RARRES2: variants seen among roughly 807,000 people sequenced by gnomAD.
RARRES2 encodes retinoic acid receptor responder 2.
In RARRES2, 12 loss-of-function variants were observed where a neutral mutation model predicts 17.9. The observed-to-expected ratio is 0.67, with a 90% CI of 0.43 to 1.08. RARRES2 has a LOEUF of 1.08. RARRES2 is among the 50% of genes least tolerant of loss of function. The pLI is 0.00. For missense variants in RARRES2, 220 were observed against 210.1 expected, an observed-to-expected ratio of 1.05 and a Z score of -0.29; for synonymous variants, 82 against 86.8, an observed-to-expected ratio of 0.94 and a Z score of 0.31.
chr7:150,340,455 A>G lies in RARRES2; in HGVS notation c.155T>C (p.Val52Ala). Residue 52 changes from valine to alanine, a missense_variant, in exon 2 of 6, where the codon GTG becomes GCG. Transcript: ENST00000223271. ...PVQWAFQETS[V>A]ESAVDTPFPA... is the part of the protein sequence containing the mutation. Reference sequence around the variant, plus strand: ...ACTCACCGTGTCCACGGCGCTCTCCACACTGGTCTCCTGGAAGGCCCACTG... The same window carrying G: ...ACTCACCGTGTCCACGGCGCTCTCCGCACTGGTCTCCTGGAAGGCCCACTG... 1 of 1,608,530 alleles carries G rather than the reference A, an allele frequency of 6.2e-7. No homozygotes were observed. The highest frequency in any genetic ancestry group is 8.5e-7 in the Non-Finnish European group (1 of 1,176,974).
chr7:150,338,527 C>T (rs1798391571), intron 5 of RARRES2, 88 bp from the exon 6 acceptor site: 8 of 1,517,010 alleles, frequency 5.3e-6, no homozygotes, highest in South Asian at 3.8e-5. Flanking sequence ...GACCTGTCCC[C>T]TCCCAGGCTC....
intron 2 of RARRES2, 31 bp from the exon 3 acceptor site, chr7:150,340,235 C>G: frequency 6.2e-7 from 1 of 1,608,216 alleles, no homozygotes; most frequent in Non-Finnish European, 8.5e-7. Context: ...AGAGGATGGC[C>G]GGTAGCCAGC....
intron 4 of RARRES2, 121 bp downstream of exon 4, chr7:150,338,865 C>G: frequency 6.5e-7 from 1 of 1,548,780 alleles, no homozygotes; most frequent in Non-Finnish European, 8.8e-7. Context: ...ACAGCGCTTT[C>G]TAGCCCCCAC....
rs905405602 is a variant in RARRES2, at chr7:150,338,635, G to A, written c.482C>T (p.Pro161Leu). The change falls in exon 5 of 6, where the codon CCC (proline) becomes CTC (leucine). Residue 161 changes from proline (P) to leucine (L), a missense_variant. By Grantham distance (98) the Pro-to-Leu change is moderately conservative. Transcript: ENST00000223271. ...PGQFAFSKAL[P>L]RS is the part of the protein sequence containing the mutation. Reference sequence around the variant, plus strand: ...CCTACCAGTGCTGGCTTAGCTGCGGGGCAGGGCCTTGGAGAAGGCGAACTG... The same window carrying A: ...CCTACCAGTGCTGGCTTAGCTGCGGAGCAGGGCCTTGGAGAAGGCGAACTG... The A allele has an allele frequency of 2.6e-6, 4 of 1,554,784 alleles. No individual in the cohort carries two copies. Among genetic ancestry groups the A allele is most frequent in the Middle Eastern group, 1.7e-4 (1 of 5,984 alleles).
Position 150,338,682 on chromosome 7 carries a change from G to A in RARRES2, c.435C>T (p.Pro145=). ...CLRVQRAGED[P]HSFYFPGQFA... ...ACTGTCCAGGGAAGTAGAAGCTGTG[G>A]GGGTCCTCACCAGCCCGCTGCACCC... Residue 145 remains proline, a synonymous_variant, in exon 5 of 6, where the codon CCC becomes CCT. Transcript: ENST00000223271. 3 of 1,555,674 alleles carry A rather than the reference G, an allele frequency of 1.9e-6. No individual in the cohort carries two copies. Among genetic ancestry groups the A allele is most frequent in the Non-Finnish European group, 2.6e-6 (3 of 1,149,164 alleles).
chr7:150,339,737 C>T (rs1353349204), intron 3 of RARRES2, among the ~76,000 whole-genome samples: 1 of 152,044 alleles, frequency 6.6e-6, no homozygotes, highest in Non-Finnish European at 1.5e-5. Flanking sequence ...TGGAGTCCTG[C>T]TAGGCTAGGG....
chr7:150,340,303 A>G (rs1229318893), intron 2 of RARRES2, 99 bp from the exon 3 acceptor site: 1 of 1,552,000 alleles, frequency 6.4e-7, no homozygotes, highest in African/African-American at 1.4e-5. Context: ...GTCACATTCC[A>G]GCAGGCTGGA....
intron 3 of RARRES2, 123 bp downstream of exon 3, chr7:150,339,977 G>A: frequency 1.1e-6 from 1 of 883,452 alleles, no homozygotes; most frequent in Non-Finnish European, 1.8e-6. Flanking sequence ...TCTAACCTCA[G>A]GGCTTCTTAA....
chr7:150,340,668 GCCC>G, intron 1 of RARRES2, 39 bp from the exon 2 acceptor site: 2 of 1,428,982 alleles, frequency 1.4e-6, no homozygotes, highest in Non-Finnish European at 1.8e-6. Flanking sequence ...CTCCGAGCCA[GCCC>G]GAGCCGCCTC....
rs1057061277 is a variant in RARRES2, at chr7:150,338,894, G to A, written c.375+92C>T. 7 of 1,542,678 alleles carry A rather than the reference G, an allele frequency of 4.5e-6. No homozygotes were observed. The African/African-American group carries it at 6.8e-5, about 15-fold the overall frequency. ...CCCCCACTGCCCTCCCTCCTGCTTG[G>A]CCAAGCTTTAGCCTCGAGACCAGCC... On this transcript the variant is annotated intron_variant, in intron 4 of 5. Transcript: ENST00000223271.
chr7:150,340,820 C>G, intron 1 of RARRES2, 191 bp from the exon 2 acceptor site: 2 of 528,024 alleles, frequency 3.8e-6, no homozygotes, highest in Admixed American at 7.1e-5. Context: ...CTCTCCGTTC[C>G]CTCCCACCCT....
intron 1 of RARRES2, chr7:150,340,876 C>T (rs866308601): frequency 3.8e-5 from 16 of 417,356 alleles, no homozygotes; most frequent in South Asian, 1.5e-4. Context: ...AAGTTCCCTG[C>T]CCACGCTAGG....
chr7:150,341,026 C>A (rs549785003), intron 1 of RARRES2: 177 of 162,078 alleles, frequency 1.1e-3, no homozygotes, highest in Non-Finnish European at 1.8e-3. Flanking sequence ...TCTCCCCAAC[C>A]GCTACTCCCT....
intron 4 of RARRES2, 52 bp from the exon 5 acceptor site, chr7:150,338,793 G>A (rs1165559473): frequency 1.9e-6 from 3 of 1,565,450 alleles, no homozygotes; most frequent in Non-Finnish European, 2.6e-6. Context: ...GGCAGTGCCA[G>A]TGGAGGGCTG....
Position 150,339,076 on chromosome 7 carries a change from T to C in RARRES2, c.285A>G (p.Lys95=), listed in dbSNP as rs1259824465. The C allele has an allele frequency of 6.2e-7, 1 of 1,608,636 alleles. No homozygotes were observed. The highest frequency in any genetic ancestry group is 1.1e-5 in the South Asian group (1 of 90,968). The part of the protein sequence containing the change: ...PECKVRPNGR[K]RKCLACIKLG... ...GTTTGATGCAGGCCAGGCATTTCCG[T>C]TTCCTCTGTGGGGGAGCGGGGAGCA... Residue 95 remains lysine (K), a synonymous_variant, in exon 4 of 6, where the codon AAA becomes AAG. Coordinates refer to ENST00000223271, the MANE Select transcript of RARRES2 (RefSeq NM_002889.4).
In RARRES2 at chr7:150,338,473, G is replaced by A. The variant is rs1249613057; in HGVS notation, c.*11-34C>T. The A allele has an allele frequency of 2.0e-6, 3 of 1,526,304 alleles. No homozygotes were observed. In the East Asian group the frequency reaches 7.4e-5, roughly 38 times the overall value. 94.5% of individuals were successfully genotyped at this position (1,526,304 alleles called of 1,614,324 possible). A position where few individuals can be genotyped will look rare whatever the true frequency, so the allele number is the denominator to read the frequency against. On this transcript the variant is annotated intron_variant, in intron 5 of 5. Transcript: ENST00000223271. ...AAGGGGAAACAGGTTTGGGGGTGAG[G>A]GAGGTTGCTTCAGCCCCAGTCCCAG...
At position 150,340,089 on chromosome 7, in the gene RARRES2, C is replaced by T; in HGVS notation, c.279+11G>A. 1.9e-6 allele frequency: 3 copies of T among 1,611,004 alleles called. No individual in the cohort carries two copies. Among genetic ancestry groups the T allele is most frequent in the East Asian group, 2.2e-5 (1 of 44,864 alleles). On this transcript the variant is annotated intron_variant, in intron 3 of 5. Transcript: ENST00000223271. ...AGCATGCGCCCATTGCTCTCACACC[C>T]CTTCACTCACCCCATTGGGCCTGAC...
Position 150,340,113 on chromosome 7 carries a change from A to C in RARRES2, c.266T>G (p.Val89Gly). 6.2e-7 allele frequency: 1 copy of C among 1,614,002 alleles called. No homozygotes were observed. Among genetic ancestry groups the C allele is most frequent in the Middle Eastern group, 1.6e-4 (1 of 6,062 alleles). The change falls in exon 3 of 6, where the codon GTC becomes GGC. Residue 89 changes from valine (V) to glycine (G), a missense_variant. Physicochemically the swap from Val to Gly is moderately radical, Grantham distance 109. Coordinates refer to ENST00000223271, the MANE Select transcript of RARRES2 (RefSeq NM_002889.4). ...CCCTTCACTCACCCCATTGGGCCTGACTTTGCACTCGGGTTTCTTCCAGTC... is the reference window on the plus strand; with the variant it reads ...CCCTTCACTCACCCCATTGGGCCTGCCTTTGCACTCGGGTTTCTTCCAGTC... ...KRDWKKPECK[V>G]RPNGRKRKCL...
At chr7:150,339,102 T>TGGGGTGAGCAGAGGAAA (rs767283380) in intron 3 of RARRES2, 21 bp from the exon 4 acceptor site, 3 of 1,564,796 alleles carry the variant, frequency 1.9e-6, no homozygotes, top group Non-Finnish European at 2.6e-6. Flanking sequence ...GCGGGGAGCA[T>TGGGGTGAGCAGAGGAAA]GGGGTGAGCA....
Sources: allele counts gnomAD v4.1 joint callset (sites outside exome capture counted in the v4.1 genomes callset), GRCh38; gene constraint gnomAD v4.1.1; transcripts MANE v1.5; gene names NCBI Gene and HGNC (gene_info 2026-07-23, HGNC 2026-07-21).